Variants in TGFBRAP1 observed in about 807,000 individuals in gnomAD.
The protein encoded by TGFBRAP1 is transforming growth factor-beta receptor-associated protein 1.
Under a neutral mutation model 83.2 loss-of-function variants are expected in TGFBRAP1, and 20 were observed. The ratio of observed to expected loss-of-function variants is 0.24; its 90% CI spans 0.17 to 0.35. The LOEUF is 0.35. Ranked by LOEUF, TGFBRAP1 falls within the 10% of genes least tolerant of loss-of-function variation. The pLI is 1.00. For missense variants in TGFBRAP1, 950 were observed against 1,099.4 expected, an observed-to-expected ratio of 0.86 and a Z score of 1.92; for synonymous variants, 415 against 459.8, an observed-to-expected ratio of 0.90 and a Z score of 1.25.
intron 7 of TGFBRAP1, among the ~76,000 whole-genome samples, chr2:105,277,400 C>G (rs17030743): frequency 0.011 from 1,750 of 152,232 alleles, 36 homozygotes; most frequent in African/African-American, 0.04. Context: ...TGATAATGTT[C>G]TTTAAGGAGA....
Position 105,264,705 on chromosome 2 carries a change from C to T in TGFBRAP1, c.*2678G>A, listed in dbSNP as rs540954042. 1 of 152,340 alleles carries T rather than the reference C, an allele frequency of 6.6e-6. No homozygotes were observed. Among genetic ancestry groups the T allele is most frequent in the Admixed American group, 6.5e-5 (1 of 15,308 alleles). 9.4% of individuals were successfully genotyped at this position (152,340 alleles called of 1,614,324 possible). The stretch of plus-strand genomic sequence containing the variant: ...CGTCAGTGAGAGCGTCGCAGTTGAA[C>T]TCAGCCCAGTGCAACGCAGCCTGAG... On this transcript the variant is annotated 3_prime_UTR_variant, in exon 12 of 12. Transcript: ENST00000393359.
downstream of TGFBRAP1, among the ~76,000 whole-genome samples, chr2:105,260,344 G>A (rs935942200): frequency 9.2e-5 from 14 of 152,198 alleles, no homozygotes; most frequent in Admixed American, 8.5e-4. Context: ...GGGAGGCGGA[G>A]GTTGCAGTGA....
At chr2:105,263,272 A>G (rs1056619311), downstream of TGFBRAP1, among the ~76,000 whole-genome samples, 3 of 152,224 alleles carry the variant, frequency 2.0e-5, no homozygotes, top group Non-Finnish European at 4.4e-5. Context: ...TAAAAATGAG[A>G]AAAGAATATT....
intron 4 of TGFBRAP1, among the ~76,000 whole-genome samples, chr2:105,290,211 T>C (rs1235828730): frequency 6.6e-6 from 1 of 152,140 alleles, no homozygotes; most frequent in Non-Finnish European, 1.5e-5. Flanking sequence ...GAATTACAGG[T>C]GCATGCCATC....
At chr2:105,318,328 G>C (rs932029818) in intron 1 of TGFBRAP1, among the ~76,000 whole-genome samples, 1 of 152,148 alleles carries the variant, frequency 6.6e-6, no homozygotes, top group Non-Finnish European at 1.5e-5. Context: ...GATGGGACTG[G>C]GTATGGGTGT....
Position 105,329,679 on chromosome 2 carries a change from C to G in TGFBRAP1, c.-72G>C, listed in dbSNP as rs1212892143. The G allele has an allele frequency of 6.8e-6, 1 of 147,070 alleles. No homozygotes were observed. Among genetic ancestry groups the G allele is most frequent in the African/African-American group, 2.4e-5 (1 of 40,842 alleles). The allele number at this position is 147,070 out of a possible 1,614,324, so 9.1% of individuals were successfully genotyped here. ...CCCGCGGCCTGGGGCCCCGCCGCCC[C>G]GCTCCGGCCCGCGGCTCCTGGGCTG... On this transcript the variant is annotated 5_prime_UTR_variant, in exon 1 of 12. Coordinates refer to ENST00000393359, the MANE Select transcript of TGFBRAP1 (RefSeq NM_004257.6).
At chr2:105,251,417 C>T in the TGFBRAP1 span, among the ~76,000 whole-genome samples, 37 of 151,906 alleles carry the variant, frequency 2.4e-4, no homozygotes, top group Non-Finnish European at 4.3e-4. Context: ...TCTGCCCTGC[C>T]GCCCCGTCTG....
rs1381553886 is a variant in TGFBRAP1, at chr2:105,280,698, G to A, written c.1147C>T (p.Leu383=). ...FRSGQLDVRE[L]ISLYPFLLPT... is the part of the protein sequence containing the mutation. ...AACAGGAAGGGGTAGAGAGAGATCAGCTCCCGGACATCAAGCTGGCCGCTT... is the reference window on the plus strand; with the variant it reads ...AACAGGAAGGGGTAGAGAGAGATCAACTCCCGGACATCAAGCTGGCCGCTT... Residue 383 remains leucine (L), a synonymous_variant, in exon 6 of 12, where the codon CTG becomes TTG. Coordinates refer to ENST00000393359, the MANE Select transcript of TGFBRAP1 (RefSeq NM_004257.6). The A allele has an allele frequency of 1.2e-6, 2 of 1,613,312 alleles. No homozygotes were observed. The highest frequency in any genetic ancestry group is 1.7e-5 in the Admixed American group (1 of 59,962).
At chr2:105,324,767 A>G (rs1376147307) in intron 1 of TGFBRAP1, among the ~76,000 whole-genome samples, 1 of 152,136 alleles carries the variant, frequency 6.6e-6, no homozygotes, top group African/African-American at 2.4e-5. Flanking sequence ...TGGGAGAAGC[A>G]GTTAAGTGGG....
intron 4 of TGFBRAP1, among the ~76,000 whole-genome samples, chr2:105,295,842 A>C (rs530770957): frequency 1.4e-4 from 21 of 151,376 alleles, no homozygotes; most frequent in South Asian, 1.0e-3. Flanking sequence ...AGTTCTCCTA[A>C]GGAAATCAAC....
the TGFBRAP1 span, among the ~76,000 whole-genome samples, chr2:105,253,935 TTA>T: frequency 6.6e-6 from 1 of 152,220 alleles, no homozygotes; most frequent in East Asian, 1.9e-4. Flanking sequence ...GGCCCGGTTT[TTA>T]TCTTTGTTTT....
chr2:105,252,143 AAT>A, the TGFBRAP1 span, among the ~76,000 whole-genome samples: 1 of 152,100 alleles, frequency 6.6e-6, no homozygotes, highest in African/African-American at 2.4e-5. Flanking sequence ...CAATAAAAAA[AAT>A]AAATAAATAA....
the TGFBRAP1 span, among the ~76,000 whole-genome samples, chr2:105,258,147 G>C: frequency 6.6e-6 from 1 of 152,178 alleles, no homozygotes; most frequent in Non-Finnish European, 1.5e-5. Flanking sequence ...CTTGGAGTAA[G>C]TCACTGCTGC....
Position 105,307,822 on chromosome 2 carries a change from G to C in TGFBRAP1, c.480C>G (p.Ile160Met). ...GCTCGGCAGTCGACACCTCCTTGACGATCTGCACCCGGTCCTCGTACACCA... is the reference window on the plus strand; with the variant it reads ...GCTCGGCAGTCGACACCTCCTTGACCATCTGCACCCGGTCCTCGTACACCA... ...MFLVYEDRVQ[I>M]VKEVSTAEQP... Residue 160 changes from isoleucine (I) to methionine (M), a missense_variant, in exon 2 of 12, where the codon ATC (isoleucine) becomes ATG (methionine). By Grantham distance (10) the Ile-to-Met change is conservative. Transcript: ENST00000393359. 1 of 1,614,128 alleles carries C rather than the reference G, an allele frequency of 6.2e-7. No individual in the cohort carries two copies. Among genetic ancestry groups the C allele is most frequent in the Non-Finnish European group, 8.5e-7 (1 of 1,180,036 alleles).
intron 1 of TGFBRAP1, among the ~76,000 whole-genome samples, chr2:105,313,239 AT>A (rs1678749184): frequency 6.6e-6 from 1 of 152,342 alleles, no homozygotes; most frequent in South Asian, 2.1e-4. Flanking sequence ...CACAGATTTT[AT>A]ATTACCCATA....
chr2:105,325,331 C>A (rs17695158), intron 1 of TGFBRAP1, among the ~76,000 whole-genome samples: 7,319 of 152,236 alleles, frequency 0.048, 209 homozygotes, highest in Middle Eastern at 0.075. Flanking sequence ...CTCGATATAG[C>A]ATTATCCTTT....
chr2:105,288,279 C>G (rs1677782516), intron 4 of TGFBRAP1, among the ~76,000 whole-genome samples: 1 of 152,122 alleles, frequency 6.6e-6, no homozygotes, highest in Non-Finnish European at 1.5e-5. Context: ...GACACAGACC[C>G]CTGAGCCAGT....
At chr2:105,258,821 C>A in the TGFBRAP1 span, among the ~76,000 whole-genome samples, 12 of 151,886 alleles carry the variant, frequency 7.9e-5, no homozygotes, top group Middle Eastern at 6.8e-3. Flanking sequence ...GAGAACCCTG[C>A]CTGTTGCAAT....
Position 105,307,865 on chromosome 2 carries a change from C to T in TGFBRAP1, c.437G>A (p.Arg146Lys). 6.2e-7 allele frequency: 1 copy of T among 1,614,226 alleles called. No homozygotes were observed. Among genetic ancestry groups the T allele is most frequent in the East Asian group, 2.2e-5 (1 of 44,880 alleles). ...VEVCIISVKRRTIQMFLVYED... is the reference protein window; with the variant it reads ...VEVCIISVKRKTIQMFLVYED... ...GTACACCAGAAACATCTGGATGGTT[C>T]TGCGTTTGACAGAGATGATGCAAAC... The change falls in exon 2 of 12, where the codon AGA (arginine) becomes AAA (lysine). Residue 146 changes from arginine (R) to lysine (K), a missense_variant. Arg to Lys is a conservative substitution (Grantham distance 26). Transcript: ENST00000393359.
Sources: allele counts gnomAD v4.1 joint callset (sites outside exome capture counted in the v4.1 genomes callset), GRCh38; gene constraint gnomAD v4.1.1; transcripts MANE v1.5; gene names NCBI Gene and HGNC (gene_info 2026-07-23, HGNC 2026-07-21).